DNER: variants seen among roughly 807,000 people sequenced by gnomAD.
DNER encodes delta/notch like EGF repeat containing.
In DNER, 33 loss-of-function variants were observed where a neutral mutation model predicts 78.2. The ratio of observed to expected loss-of-function variants is 0.42; its 90% CI spans 0.32 to 0.56. The LOEUF is 0.56. DNER is among the 20% of genes least tolerant of loss of function. DNER has a pLI of 0.11. For missense variants in DNER, 918 were observed against 975.3 expected (o/e 0.94, Z 0.78); for synonymous variants, 417 against 384.8 (o/e 1.08, Z -0.98).
intron 1 of DNER, among the ~76,000 whole-genome samples, chr2:229,706,565 C>G (rs993109609): frequency 2.0e-5 from 3 of 152,024 alleles, no homozygotes; most frequent in African/African-American, 7.2e-5. Flanking sequence ...TCCATCTCAA[C>G]AAATAAAGAA....
intron 11 of DNER, among the ~76,000 whole-genome samples, chr2:229,384,877 T>C (rs1057338934): frequency 1.3e-5 from 2 of 151,776 alleles, no homozygotes; most frequent in African/African-American, 2.4e-5. Context: ...TTCCAAACAA[T>C]AGAAAAGAGG....
At chr2:229,507,816 T>C (rs1410508229) in intron 6 of DNER, among the ~76,000 whole-genome samples, 3 of 152,216 alleles carry the variant, frequency 2.0e-5, no homozygotes, top group Non-Finnish European at 4.4e-5. Flanking sequence ...ACAAGGTTAA[T>C]ATCCTTTAGA....
chr2:229,676,399 G>C (rs758628452), intron 1 of DNER, among the ~76,000 whole-genome samples: 2 of 152,048 alleles, frequency 1.3e-5, no homozygotes, highest in African/African-American at 2.4e-5. Flanking sequence ...AAGATTCAAC[G>C]TTTCTGAAAA....
At chr2:229,692,059 C>T (rs1559211148) in intron 1 of DNER, among the ~76,000 whole-genome samples, 2 of 152,198 alleles carry the variant, frequency 1.3e-5, no homozygotes, top group Non-Finnish European at 2.9e-5. Flanking sequence ...ACTCATGGCC[C>T]AGGTGATATA....
At chr2:229,456,965 C>T (rs1694588157) in intron 7 of DNER, among the ~76,000 whole-genome samples, 1 of 151,758 alleles carries the variant, frequency 6.6e-6, no homozygotes. Flanking sequence ...GTAAGATTGA[C>T]AGATGACTTG....
rs568643550 is a variant in DNER, at chr2:229,634,269, C to T, written c.277-42381G>A. Among the ~76,000 whole-genome samples, 17 of 152,236 alleles carry T rather than the reference C, an allele frequency of 1.1e-4. No individual in the cohort carries two copies. In the East Asian group the frequency reaches 3.3e-3, roughly 29 times the overall value. On this transcript the variant is annotated intron_variant, in intron 1 of 12. Coordinates refer to ENST00000341772, the MANE Select transcript of DNER (RefSeq NM_139072.4). ...TTTTTCCTTCTTTCCTTCCTTCCTT[C>T]CTTCCTTCCTTCTTTCCTTCATTCC...
intron 1 of DNER, among the ~76,000 whole-genome samples, chr2:229,654,283 G>C (rs1460192993): frequency 6.6e-6 from 1 of 152,106 alleles, no homozygotes; most frequent in African/African-American, 2.4e-5. Context: ...ATTTGACCCA[G>C]CCATCCCATT....
rs1180025423 is a variant in DNER at position 229,367,075 on chromosome 2, T to C, written c.1900A>G (p.Met634Val). 2 of 1,613,982 alleles carry C rather than the reference T, an allele frequency of 1.2e-6. No homozygotes were observed. Among genetic ancestry groups the C allele is most frequent in the Admixed American group, 3.3e-5 (2 of 59,996 alleles). ...ATGATGTAGAGGGAGTGCCGTGGCA[T>C]GTTGGTGAGGCTCTCCGCCATGTGC... ...SGHMAESLTN[M>V]PRHSLYIIIG... Residue 634 changes from methionine to valine, a missense_variant, in exon 12 of 13, where the codon ATG becomes GTG. Met to Val is a conservative substitution (Grantham distance 21). Coordinates refer to ENST00000341772, the MANE Select transcript of DNER (RefSeq NM_139072.4).
At chr2:229,397,461 T>TAAAAAAAAAAAAA (rs1693170872) in intron 10 of DNER, among the ~76,000 whole-genome samples, 1 of 43,390 alleles carries the variant, frequency 2.3e-5, no homozygotes, top group African/African-American at 6.1e-5. Context: ...AGCCAAACAC[T>TAAAAAAAAAAAAA]ACAAAAAAAA....
chr2:229,473,089 GA>G (rs1031368784), intron 7 of DNER, among the ~76,000 whole-genome samples: 1 of 152,142 alleles, frequency 6.6e-6, no homozygotes, highest in African/African-American at 2.4e-5. Flanking sequence ...AAATGGAGAT[GA>G]AAAGGGGGGA....
At chr2:229,402,963 G>A (rs1035739691) in intron 10 of DNER, among the ~76,000 whole-genome samples, 1 of 152,170 alleles carries the variant, frequency 6.6e-6, no homozygotes, top group Non-Finnish European at 1.5e-5. Context: ...GATGACTGGA[G>A]GAAGCGTATT....
At chr2:229,564,748 C>A (rs1019576445) in intron 4 of DNER, among the ~76,000 whole-genome samples, 4 of 151,906 alleles carry the variant, frequency 2.6e-5, no homozygotes, top group African/African-American at 4.8e-5. Context: ...ATCATCATCA[C>A]CAGCAACATA....
At chr2:229,429,203 A>G (rs939390316) in intron 8 of DNER, among the ~76,000 whole-genome samples, 2 of 152,198 alleles carry the variant, frequency 1.3e-5, no homozygotes, top group African/African-American at 4.8e-5. Context: ...AGTGAAATAC[A>G]TATTCTTGCT....
intron 7 of DNER, among the ~76,000 whole-genome samples, chr2:229,466,332 C>T (rs1252557804): frequency 6.6e-6 from 1 of 152,136 alleles, no homozygotes; most frequent in East Asian, 1.9e-4. Flanking sequence ...TCTCCCTCTC[C>T]CTCCCTAACC....
At chr2:229,404,758 ATGACAT>A (rs530533036) in intron 10 of DNER, among the ~76,000 whole-genome samples, 1 of 152,342 alleles carries the variant, frequency 6.6e-6, no homozygotes, top group Admixed American at 6.5e-5. Context: ...TGGAGAAAAC[ATGACAT>A]TTTCTCATAA....
intron 12 of DNER, among the ~76,000 whole-genome samples, chr2:229,365,786 T>C (rs368105880): frequency 6.6e-6 from 1 of 152,136 alleles, no homozygotes; most frequent in East Asian, 1.9e-4. Context: ...CCAAGATAGA[T>C]CATATAGCAC....
intron 6 of DNER, among the ~76,000 whole-genome samples, chr2:229,498,616 C>T (rs1377145900): frequency 1.3e-5 from 2 of 152,134 alleles, no homozygotes; most frequent in African/African-American, 4.8e-5. Flanking sequence ...TTTCTGTACA[C>T]TAACAATGAC....
intron 5 of DNER, among the ~76,000 whole-genome samples, chr2:229,536,277 G>A (rs975043538): frequency 6.6e-6 from 1 of 152,238 alleles, no homozygotes; most frequent in Non-Finnish European, 1.5e-5. Context: ...TCCAATGACA[G>A]TTTTCTGACA....
intron 12 of DNER, among the ~76,000 whole-genome samples, chr2:229,362,339 C>G (rs1002518640): frequency 6.6e-6 from 1 of 152,204 alleles, no homozygotes; most frequent in Non-Finnish European, 1.5e-5. Flanking sequence ...GGAGGTGGAG[C>G]TTTCTGGCTT....
Sources: allele counts gnomAD v4.1 joint callset (sites outside exome capture counted in the v4.1 genomes callset), GRCh38; gene constraint gnomAD v4.1.1; transcripts MANE v1.5; gene names NCBI Gene and HGNC (gene_info 2026-07-23, HGNC 2026-07-21).